The following CELSR1 variants were observed in gnomAD, a reference collection of about 807,000 sequenced individuals.
The protein encoded by CELSR1 is cadherin EGF LAG seven-pass G-type receptor 1.
In CELSR1, 110 loss-of-function variants were observed where a neutral mutation model predicts 249.1. The ratio of observed to expected loss-of-function variants is 0.44; its 90% CI spans 0.38 to 0.52. The LOEUF (loss-of-function observed/expected upper bound fraction) is 0.52, where lower values mean the gene tolerates loss of function less well. Ranked by LOEUF, CELSR1 falls within the 20% of genes least tolerant of loss-of-function variation. The probability of loss-of-function intolerance (pLI) is 0.00; values close to 1 mark genes in which losing one functional copy is unlikely to be tolerated. For missense variants in CELSR1, 4,109 were observed against 4,296.4 expected (o/e 0.96, Z 1.22); for synonymous variants, 2,113 against 1,900.0 (o/e 1.11, Z -2.92).
chr22:46,443,244 C>T (rs897840332), intron 2 of CELSR1, among the ~76,000 whole-genome samples: 1 of 152,244 alleles, frequency 6.6e-6, no homozygotes, highest in African/African-American at 2.4e-5. Flanking sequence ...ACGCCAGTAA[C>T]CCCGAGGGCT....
In CELSR1 at chr22:46,427,993, G is replaced by A. The variant is rs1179623048; in HGVS notation, c.4611+5400C>T. 6.6e-6 allele frequency among the ~76,000 whole-genome samples: 1 copy of A among 152,174 alleles called. No homozygotes were observed. Among genetic ancestry groups the A allele is most frequent in the East Asian group, 1.9e-4 (1 of 5,176 alleles). On this transcript the variant is annotated intron_variant, in intron 5 of 34. Coordinates refer to ENST00000674500, the MANE Select transcript of CELSR1 (RefSeq NM_001378328.1). The surrounding 1 kb of genome is among the most constrained non-coding windows in gnomAD (Gnocchi z 4.2). ...CTCCCACTCTCCTTGGGACTCTGGG[G>A]TTTAATGTGCAGCACAGACCCAAGA... is the stretch of plus-strand genomic sequence containing the variant.
intron 1 of CELSR1, among the ~76,000 whole-genome samples, chr22:46,513,809 T>G (rs2080598058): frequency 6.6e-6 from 1 of 152,174 alleles, no homozygotes; most frequent in Admixed American, 6.5e-5. Flanking sequence ...GTTGTTGTTT[T>G]GAGACGGAGT....
intron 33 of CELSR1, 30 bp from the exon 34 acceptor site, chr22:46,364,281 T>C (rs2078740976): frequency 8.8e-6 from 14 of 1,599,030 alleles, no homozygotes; most frequent in African/African-American, 1.3e-5. Flanking sequence ...CAAGGTCAAG[T>C]CCGGGTGATG....
Position 46,535,837 on chromosome 22 carries a change from A to T in CELSR1, c.1334T>A (p.Val445Glu). The T allele has an allele frequency of 1.2e-6, 2 of 1,611,958 alleles. No homozygotes were observed. Among genetic ancestry groups the T allele is most frequent in the African/African-American group, 2.7e-5 (2 of 75,046 alleles). ...NPGPLSATATVYIEVEDENDN... is the reference protein window; with the variant it reads ...NPGPLSATATEYIEVEDENDN... The stretch of plus-strand genomic sequence containing the variant: ...GTTCTCGTCCTCCACCTCGATGTAC[A>T]CGGTGGCCGTGGCACTGAGCGGGCC... The change falls in exon 1 of 35, where the codon GTG becomes GAG. Residue 445 changes from valine (V) to glutamate (E), a missense_variant. Coordinates refer to ENST00000674500, the MANE Select transcript of CELSR1 (RefSeq NM_001378328.1).
At chr22:46,365,097 C>A in intron 32 of CELSR1, 134 bp downstream of exon 32, 1 of 1,284,338 alleles carries the variant, frequency 7.8e-7, no homozygotes, top group Non-Finnish European at 1.0e-6. Flanking sequence ...AGTCCCCCCA[C>A]CCCAGGCTGT....
rs774171527 is a variant in CELSR1 at position 46,365,288 on chromosome 22, C to A, written c.8497G>T (p.Val2833Leu). 6.2e-7 allele frequency: 1 copy of A among 1,612,916 alleles called. No individual in the cohort carries two copies. Among genetic ancestry groups the A allele is most frequent in the Non-Finnish European group, 8.5e-7 (1 of 1,179,968 alleles). The part of the protein sequence containing the change: ...SHSSDSEDDG[V>L]GAEEKWDPAR... ...GGGTCCCATTTTTCCTCAGCTCCCA[C>A]CCCATCGTCCTCGCTGTCTGACGAG... is the stretch of plus-strand genomic sequence containing the variant. The change falls in exon 32 of 35, where the codon GTG becomes TTG. Residue 2833 changes from valine (V) to leucine (L), a missense_variant. Physicochemically the swap from Val to Leu is conservative, Grantham distance 32 (BLOSUM62 1). Transcript: ENST00000674500.
In CELSR1 at chr22:46,362,436, C is replaced by A. The variant is rs56168025; in HGVS notation, c.*787G>T. On this transcript the variant is annotated 3_prime_UTR_variant, in exon 35 of 35. Transcript: ENST00000674500. Reference sequence around the variant, plus strand: ...GAACACTGGGGACCCAGGGGGCCGGCGGGGAGGGCCCACACCATCCTCACT... The same window carrying A: ...GAACACTGGGGACCCAGGGGGCCGGAGGGGAGGGCCCACACCATCCTCACT... 0.011 allele frequency: 1,716 copies of A among 152,712 alleles called. 20 individuals are homozygous for A. The highest frequency in any genetic ancestry group is 0.016 in the Admixed American group (243 of 15,312). The allele number at this position is 152,712 out of a possible 1,614,324, so 9.5% of individuals were successfully genotyped here.
rs113514263 is a variant in CELSR1 at position 46,427,960 on chromosome 22, G to A, written c.4611+5433C>T. The stretch of plus-strand genomic sequence containing the variant: ...TCCCCCGACCCCAGGGGTGCTCCGG[G>A]GGTACATCTCCCACTCTCCTTGGGA... On this transcript the variant is annotated intron_variant, in intron 5 of 34. Coordinates refer to ENST00000674500, the MANE Select transcript of CELSR1 (RefSeq NM_001378328.1). This position sits in a 1 kb window ranked among gnomAD's most constrained non-coding sequence, Gnocchi z 4.2. Among the ~76,000 whole-genome samples, 2,342 of 152,222 alleles carry A rather than the reference G, an allele frequency of 0.015. 64 individuals carry two copies. The highest frequency in any genetic ancestry group is 0.053 in the African/African-American group (2,190 of 41,520).
intron 1 of CELSR1, among the ~76,000 whole-genome samples, chr22:46,507,225 G>T (rs1233241235): frequency 6.6e-6 from 1 of 152,056 alleles, no homozygotes; most frequent in African/African-American, 2.4e-5. Context: ...GATTCCAATG[G>T]AGCCACCGGG....
chr22:46,399,606 C>A lies in CELSR1; in HGVS notation c.5412+111G>T. ...ACCTGCGGGGACCCAGAAAGTGCCT[C>A]CCCAAATCCACAAGGTCTCTGGTGG... On this transcript the variant is annotated intron_variant, in intron 10 of 34. Transcript: ENST00000674500. This position sits in a 1 kb window ranked among gnomAD's most constrained non-coding sequence, Gnocchi z 5.0. 1.8e-6 allele frequency: 2 copies of A among 1,134,706 alleles called. No individual in the cohort carries two copies. The highest frequency in any genetic ancestry group is 1.3e-6 in the Non-Finnish European group (1 of 778,002). The allele number at this position is 1,134,706 out of a possible 1,614,324, so 70.3% of individuals were successfully genotyped here. A position where few individuals can be genotyped will look rare whatever the true frequency, so the allele number is the denominator to read the frequency against.
intron 5 of CELSR1, among the ~76,000 whole-genome samples, chr22:46,422,073 A>C (rs2079480024): frequency 1.3e-5 from 2 of 151,826 alleles, no homozygotes; most frequent in Non-Finnish European, 2.9e-5. Flanking sequence ...TTTATCTTAC[A>C]TATTCTGTAT....
chr22:46,480,964 C>G (rs921506109), intron 1 of CELSR1, among the ~76,000 whole-genome samples: 2 of 152,188 alleles, frequency 1.3e-5, no homozygotes, highest in African/African-American at 2.4e-5. Flanking sequence ...CGGCCGGGTC[C>G]GGTGGCTCAC....
intron 1 of CELSR1, among the ~76,000 whole-genome samples, chr22:46,486,288 C>T (rs1276461369): frequency 6.6e-6 from 1 of 151,694 alleles, no homozygotes; most frequent in South Asian, 2.1e-4. Flanking sequence ...CTGGCTCACG[C>T]CTGTAATCCC....
intron 5 of CELSR1, among the ~76,000 whole-genome samples, chr22:46,431,734 G>GC (rs1187623332): frequency 6.6e-6 from 1 of 152,234 alleles, no homozygotes; most frequent in Non-Finnish European, 1.5e-5. Flanking sequence ...GGCTAGCACT[G>GC]CCCCACACAG....
At chr22:46,384,263 GCTT>G in intron 20 of CELSR1, among the ~76,000 whole-genome samples, 1 of 152,280 alleles carries the variant, frequency 6.6e-6, no homozygotes, top group African/African-American at 2.4e-5. Flanking sequence ...ATTGTTTCAT[GCTT>G]ACGCTCCAAT....
chr22:46,413,262 G>GA lies in CELSR1; in HGVS notation c.4612-1504dup, dbSNP rs2079359523. On this transcript the variant is annotated intron_variant, in intron 5 of 34. Transcript: ENST00000674500. The surrounding 1 kb of genome is among the most constrained non-coding windows in gnomAD (Gnocchi z 4.7). ...CTATTTTGATCAGGGAAACGAGGCT[G>GA]AAAAGCAGGACACACAACTGGAAAC... is the stretch of plus-strand genomic sequence containing the variant. Among the ~76,000 whole-genome samples the GA allele has an allele frequency of 3.3e-5, 5 of 152,350 alleles. No homozygotes were observed. In the South Asian group the frequency reaches 1.0e-3, roughly 32 times the overall value.
In CELSR1 at chr22:46,454,295, G is replaced by A. The variant is rs1374748309; in HGVS notation, c.4183+9412C>T. On this transcript the variant is annotated intron_variant, in intron 2 of 34. Coordinates refer to ENST00000674500, the MANE Select transcript of CELSR1 (RefSeq NM_001378328.1). The surrounding 1 kb of genome is among the most constrained non-coding windows in gnomAD (Gnocchi z 5.1). ...CCTCCAGAACAGTAAGAATGAATCC[G>A]TGCTGCGTTAAGCCCCTCGTGTGTG... is the stretch of plus-strand genomic sequence containing the variant. Among the ~76,000 whole-genome samples, 4 of 152,198 alleles carry A rather than the reference G, an allele frequency of 2.6e-5. No individual in the cohort carries two copies. Among genetic ancestry groups the A allele is most frequent in the East Asian group, 1.9e-4 (1 of 5,192 alleles).
Position 46,363,181 on chromosome 22 carries a change from C to T in CELSR1, c.*42G>A, listed in dbSNP as rs759669499. 18 of 1,613,608 alleles carry T rather than the reference C, an allele frequency of 1.1e-5. No individual in the cohort carries two copies. The highest frequency in any genetic ancestry group is 1.1e-4 in the South Asian group (10 of 91,064). On this transcript the variant is annotated 3_prime_UTR_variant, in exon 35 of 35. Coordinates refer to ENST00000674500, the MANE Select transcript of CELSR1 (RefSeq NM_001378328.1). The surrounding 1 kb of genome is among the most constrained non-coding windows in gnomAD (Gnocchi z 4.3). ...TGTGTGGGGTGACGGGCTTGCCTCA[C>T]GGTTTCCTGATGGTTCAAATTGAAG...
chr22:46,363,782 G>A lies in CELSR1; in HGVS notation c.9035+214C>T, dbSNP rs184630025. On this transcript the variant is annotated intron_variant, in intron 34 of 34. Coordinates refer to ENST00000674500, the MANE Select transcript of CELSR1 (RefSeq NM_001378328.1). This position sits in a 1 kb window ranked among gnomAD's most constrained non-coding sequence, Gnocchi z 4.3. ...CTTCAGAGTCCCAGAGGCCTGAGAC[G>A]TGTCCCCAGGATAGGGGGTCTGCCC... 244 of 622,922 alleles carry A rather than the reference G, an allele frequency of 3.9e-4. No individual in the cohort carries two copies. Among genetic ancestry groups the A allele is most frequent in the Non-Finnish European group, 5.4e-4 (203 of 376,566 alleles). The allele number at this position is 622,922 out of a possible 1,614,324, so 38.6% of individuals were successfully genotyped here.
Sources: gnomAD v4.1 joint callset for allele counts (sites outside exome capture counted in the v4.1 genomes callset) on GRCh38, gnomAD v4.1.1 for gene constraint, Gnocchi (gnomAD v3.1) non-coding constraint, MANE v1.5 for transcripts, NCBI Gene and HGNC (gene_info 2026-07-23, HGNC 2026-07-21) for gene names.